EIF4EBP3: variants seen among roughly 807,000 people sequenced by gnomAD.
The protein encoded by EIF4EBP3 is eukaryotic translation initiation factor 4E-binding protein 3.
EIF4EBP3 carries 11 observed loss-of-function variants against 12.1 expected under a neutral mutation model. The observed-to-expected ratio is 0.91, with a 90% CI of 0.57 to 1.51. EIF4EBP3 has a LOEUF of 1.51. Ranked by LOEUF, EIF4EBP3 falls within the 40% of genes most tolerant of loss-of-function variation. The probability of loss-of-function intolerance (pLI) is 0.00; values close to 1 mark genes in which losing one functional copy is unlikely to be tolerated. For synonymous variants in EIF4EBP3, 43 were observed against 54.2 expected (o/e 0.79, Z 0.91); for missense variants, 136 against 131.8 (o/e 1.03, Z -0.16).
intron 2 of EIF4EBP3, 26 bp from the exon 3 acceptor site, chr5:140,549,208 T>A (rs375772783): frequency 6.2e-7 from 1 of 1,614,242 alleles, no homozygotes; most frequent in Non-Finnish European, 8.5e-7. Context: ...ACCAGCAACC[T>A]GTCTTCCTGC....
chr5:140,547,767 CG>C lies in EIF4EBP3; in HGVS notation c.35del (p.Gly12AlafsTer70), dbSNP rs1561852084. The C allele has an allele frequency of 3.2e-6, 5 of 1,543,000 alleles. No homozygotes were observed. Among genetic ancestry groups the C allele is most frequent in the Admixed American group, 2.0e-5 (1 of 50,282 alleles). ...CAACGTCCACTAGCTGCCCGATTCC[CG>C]GGGGCCGGGACCAGCTGCCCGACTG... MSTSTSCPIP[G>X]GRDQLPDCYS... On this transcript the variant is annotated frameshift_variant, in exon 1 of 3. Transcript: ENST00000310331. LOFTEE classifies it high-confidence loss of function.
intron 1 of EIF4EBP3, among the ~76,000 whole-genome samples, chr5:140,548,109 C>A (rs1034492850): frequency 1.3e-5 from 2 of 152,226 alleles, no homozygotes; most frequent in African/African-American, 4.8e-5. Context: ...GCTCCTTACC[C>A]CTCGCGACTT....
chr5:140,549,190 A>T, intron 2 of EIF4EBP3, 44 bp from the exon 3 acceptor site: 1 of 1,614,184 alleles, frequency 6.2e-7, no homozygotes, highest in African/African-American at 1.3e-5. Context: ...GAGCCTGCAG[A>T]TCCTCAGACC....
Position 140,549,048 on chromosome 5 carries a change from G to A in EIF4EBP3, c.246G>A (p.Lys82=). 3.1e-6 allele frequency: 5 copies of A among 1,612,186 alleles called. No individual in the cohort carries two copies. Among genetic ancestry groups the A allele is most frequent in the Non-Finnish European group, 4.2e-6 (5 of 1,178,158 alleles). ...CTCTCTCCAAGCTGGAGGAGCTGAA[G>A]GAGCAGGAGACAGAGGAAGAGATAC... ...TAPLSKLEEL[K]EQETEEEIPD... Residue 82 remains lysine, a synonymous_variant, in exon 2 of 3, where the codon AAG becomes AAA. Coordinates refer to ENST00000310331, the MANE Select transcript of EIF4EBP3 (RefSeq NM_003732.3).
At chr5:140,549,144 G>C in intron 2 of EIF4EBP3, 68 bp downstream of exon 2, 1 of 1,614,162 alleles carries the variant, frequency 6.2e-7, no homozygotes, top group Non-Finnish European at 8.5e-7. Flanking sequence ...CACAGTGCGG[G>C]GGTTCAGTTC....
Position 140,548,912 on chromosome 5 carries a change from G to T in EIF4EBP3, c.110G>T (p.Arg37Met). Residue 37 changes from arginine (R) to methionine (M), a missense_variant, in exon 2 of 3, where the codon AGG (arginine) becomes ATG (methionine). Arg to Met is a moderately conservative substitution (Grantham distance 91). Transcript: ENST00000310331. Reference protein sequence around the residue: ...TLYATTPGGTRIIYDRKFLLE... With the variant: ...TLYATTPGGTMIIYDRKFLLE... Reference sequence around the variant, plus strand: ...AGTCCCAACCCCTTGACAGGCACCAGGATCATCTACGACCGAAAGTTCCTG... The same window carrying T: ...AGTCCCAACCCCTTGACAGGCACCATGATCATCTACGACCGAAAGTTCCTG... 3 of 1,613,346 alleles carry T rather than the reference G, an allele frequency of 1.9e-6. No homozygotes were observed. The highest frequency in any genetic ancestry group is 2.5e-6 in the Non-Finnish European group (3 of 1,179,572).
At chr5:140,548,831 AG>A in intron 1 of EIF4EBP3, 74 bp from the exon 2 acceptor site, 1 of 1,527,146 alleles carries the variant, frequency 6.5e-7, no homozygotes, top group Non-Finnish European at 8.8e-7. Flanking sequence ...AGGCCCCAAA[AG>A]GCCTGAGTCT....
In EIF4EBP3 at chr5:140,549,382, C is replaced by G; in HGVS notation, c.*120C>G. 6.5e-7 allele frequency: 1 copy of G among 1,548,676 alleles called. No homozygotes were observed. Among genetic ancestry groups the G allele is most frequent in the Non-Finnish European group, 8.9e-7 (1 of 1,124,516 alleles). On this transcript the variant is annotated 3_prime_UTR_variant, in exon 3 of 3. Transcript: ENST00000310331. ...CCTCATCTAATCTGGAAGGGAGTGA[C>G]TTGTTAGTTCCAGGCCTCCTTTAGT...
intron 1 of EIF4EBP3, among the ~76,000 whole-genome samples, chr5:140,548,603 C>CA (rs1235567388): frequency 3.3e-5 from 5 of 152,280 alleles, no homozygotes; most frequent in Admixed American, 6.5e-5. Flanking sequence ...TACCTGAACT[C>CA]AAAGTTTGGT....
chr5:140,547,754 G>A lies in EIF4EBP3; in HGVS notation c.17G>A (p.Ser6Asn), dbSNP rs1419679867. ...CCGCTCGCTATGTCAACGTCCACTA[G>A]CTGCCCGATTCCCGGGGGCCGGGAC... Reference protein sequence around the residue: MSTSTSCPIPGGRDQL... With the variant: MSTSTNCPIPGGRDQL... Residue 6 changes from serine to asparagine, a missense_variant, in exon 1 of 3, where the codon AGC becomes AAC. Ser to Asn is a conservative substitution (Grantham distance 46, BLOSUM62 1). Transcript: ENST00000310331. 4 of 1,545,448 alleles carry A rather than the reference G, an allele frequency of 2.6e-6. No homozygotes were observed. In the Admixed American group the frequency reaches 5.9e-5, roughly 23 times the overall value.
rs1358079945 is a variant in EIF4EBP3, at chr5:140,549,069, G to A, written c.267G>A (p.Glu89=). The A allele has an allele frequency of 2.5e-6, 4 of 1,614,164 alleles. No individual in the cohort carries two copies. The highest frequency in any genetic ancestry group is 2.2e-5 in the East Asian group (1 of 44,888). Reference sequence around the variant, plus strand: ...TGAAGGAGCAGGAGACAGAGGAAGAGATACCCGGTAAGGAAAGCAGGAATT... The same window carrying A: ...TGAAGGAGCAGGAGACAGAGGAAGAAATACCCGGTAAGGAAAGCAGGAATT... ...EELKEQETEE[E]IPDDAQFEMD... is the part of the protein sequence containing the mutation. The change falls in exon 2 of 3, where the codon GAG becomes GAA. Residue 89 remains glutamate (E), a synonymous_variant. Transcript: ENST00000310331.
Position 140,549,479 on chromosome 5 carries a change from G to A in EIF4EBP3, c.*217G>A. ...CTTAACTCTACTTCCTCTTCAGTCTGTGGTACTCCTCCTAACCCTAAACCC... is the reference window on the plus strand; with the variant it reads ...CTTAACTCTACTTCCTCTTCAGTCTATGGTACTCCTCCTAACCCTAAACCC... On this transcript the variant is annotated 3_prime_UTR_variant, in exon 3 of 3. Transcript: ENST00000310331. 1.5e-6 allele frequency: 1 copy of A among 687,062 alleles called. No individual in the cohort carries two copies. Among genetic ancestry groups the A allele is most frequent in the Non-Finnish European group, 2.5e-6 (1 of 404,526 alleles). The allele number at this position is 687,062 out of a possible 1,614,324, so 42.6% of individuals were successfully genotyped here. A position where few individuals can be genotyped will look rare whatever the true frequency, so the allele number is the denominator to read the frequency against.
chr5:140,547,718 T>C lies in EIF4EBP3; in HGVS notation c.-20T>C. The C allele has an allele frequency of 6.5e-7, 1 of 1,545,514 alleles. No homozygotes were observed. Among genetic ancestry groups the C allele is most frequent in the Non-Finnish European group, 8.7e-7 (1 of 1,143,792 alleles). On this transcript the variant is annotated 5_prime_UTR_variant, in exon 1 of 3. Coordinates refer to ENST00000310331, the MANE Select transcript of EIF4EBP3 (RefSeq NM_003732.3). Reference sequence around the variant, plus strand: ...CGACCTCAACGCCAGGCGGTTACTTTGCTGCTCCTCCCGCTCGCTATGTCA... The same window carrying C: ...CGACCTCAACGCCAGGCGGTTACTTCGCTGCTCCTCCCGCTCGCTATGTCA...
At position 140,549,530 on chromosome 5, in the gene EIF4EBP3, G is replaced by A. The variant is rs2127113986; in HGVS notation, c.*268G>A. 1.8e-6 allele frequency: 1 copy of A among 553,626 alleles called. No homozygotes were observed. 34.3% of individuals were successfully genotyped at this position (553,626 alleles called of 1,614,324 possible). A position where few individuals can be genotyped will look rare whatever the true frequency, so the allele number is the denominator to read the frequency against. On this transcript the variant is annotated 3_prime_UTR_variant, in exon 3 of 3. Transcript: ENST00000310331. ...TCTATGCTCAGGGGCTGGAACTGGG[G>A]AATGGAGTAAGTCACCTTCTGACTG...
intron 1 of EIF4EBP3, 86 bp downstream of exon 1, chr5:140,547,926 C>G (rs1754418398): frequency 9.0e-7 from 1 of 1,114,060 alleles, no homozygotes; most frequent in Non-Finnish European, 1.2e-6. Flanking sequence ...GAGGGACAGA[C>G]CTAAGACTTG....
At chr5:140,547,905 CG>C (rs1754417773) in intron 1 of EIF4EBP3, 65 bp downstream of exon 1, 3 of 1,140,778 alleles carry the variant, frequency 2.6e-6, no homozygotes, top group East Asian at 3.3e-5. Context: ...TGTTGCGGGG[CG>C]GGGGTAGGGG....
rs1754475441 is a variant in EIF4EBP3, at chr5:140,549,379, T to C, written c.*117T>C. 4 of 1,563,900 alleles carry C rather than the reference T, an allele frequency of 2.6e-6. No homozygotes were observed. The highest frequency in any genetic ancestry group is 2.6e-6 in the Non-Finnish European group (3 of 1,137,956). ...TGGCCTCATCTAATCTGGAAGGGAG[T>C]GACTTGTTAGTTCCAGGCCTCCTTT... On this transcript the variant is annotated 3_prime_UTR_variant, in exon 3 of 3. Transcript: ENST00000310331.
Position 140,549,476 on chromosome 5 carries a change from T to C in EIF4EBP3, c.*214T>C. 1.5e-6 allele frequency: 1 copy of C among 688,518 alleles called. No individual in the cohort carries two copies. The highest frequency in any genetic ancestry group is 2.5e-6 in the Non-Finnish European group (1 of 405,656). The allele number at this position is 688,518 out of a possible 1,614,324, so 42.7% of individuals were successfully genotyped here. A position where few individuals can be genotyped will look rare whatever the true frequency, so the allele number is the denominator to read the frequency against. Reference sequence around the variant, plus strand: ...GCCCTTAACTCTACTTCCTCTTCAGTCTGTGGTACTCCTCCTAACCCTAAA... The same window carrying C: ...GCCCTTAACTCTACTTCCTCTTCAGCCTGTGGTACTCCTCCTAACCCTAAA... On this transcript the variant is annotated 3_prime_UTR_variant, in exon 3 of 3. Transcript: ENST00000310331.
In EIF4EBP3 at chr5:140,547,891, G is replaced by C. The variant is rs1338649686; in HGVS notation, c.103+51G>C. 3 of 1,365,878 alleles carry C rather than the reference G, an allele frequency of 2.2e-6. No homozygotes were observed. In the African/African-American group the frequency reaches 4.6e-5, roughly 21 times the overall value. The allele number at this position is 1,365,878 out of a possible 1,614,324, so 84.6% of individuals were successfully genotyped here. A position where few individuals can be genotyped will look rare whatever the true frequency, so the allele number is the denominator to read the frequency against. On this transcript the variant is annotated intron_variant, in intron 1 of 2. Transcript: ENST00000310331. Reference sequence around the variant, plus strand: ...AGGCTGCGGACATATTAGCGCGTGCGTGTTGTTGCGGGGCGGGGGTAGGGG... The same window carrying C: ...AGGCTGCGGACATATTAGCGCGTGCCTGTTGTTGCGGGGCGGGGGTAGGGG...
Sources: allele counts gnomAD v4.1 joint callset (sites outside exome capture counted in the v4.1 genomes callset), GRCh38; gene constraint gnomAD v4.1.1; transcripts MANE v1.5; gene names NCBI Gene and HGNC (gene_info 2026-07-23, HGNC 2026-07-21).